The following STARD9 variants were observed in gnomAD, a reference collection of about 807,000 sequenced individuals.
STARD9 encodes the protein StAR related lipid transfer domain containing 9, also known as stAR-related lipid transfer protein 9.
Under a neutral mutation model 399.8 loss-of-function variants are expected in STARD9, and 346 were observed. The observed-to-expected ratio is 0.87, with a 90% CI of 0.79 to 0.95. The LOEUF is 0.95. STARD9 is among the 40% of genes least tolerant of loss of function. The pLI is 0.00. For synonymous variants in STARD9, 2,203 were observed against 2,143.5 expected (o/e 1.03, Z -0.77); for missense variants, 5,832 against 5,667.5 (o/e 1.03, Z -0.93).
At chr15:42,669,405 G>A (rs1595740027) in intron 16 of STARD9, 68 bp downstream of exon 16, 1 of 1,348,056 alleles carries the variant, frequency 7.4e-7, no homozygotes, top group Non-Finnish European at 1.0e-6. Context: ...GGAAAAGCTA[G>A]GAGCAGCAGC....
chr15:42,674,800 C>G, intron 17 of STARD9, 27 bp from the exon 18 acceptor site: 1 of 1,501,728 alleles, frequency 6.7e-7, no homozygotes, highest in Non-Finnish European at 8.8e-7. Flanking sequence ...CGTCCTCCCA[C>G]CCAAGTGACC....
chr15:42,599,143 C>G (rs985423821), intron 3 of STARD9, among the ~76,000 whole-genome samples: 2 of 152,176 alleles, frequency 1.3e-5, no homozygotes, highest in Non-Finnish European at 2.9e-5. Context: ...AGGCTGGCCT[C>G]AAACTCCTGA....
chr15:42,663,558 C>T, intron 12 of STARD9, 68 bp downstream of exon 12: 2 of 926,180 alleles, frequency 2.2e-6, no homozygotes, highest in Non-Finnish European at 3.2e-6. Flanking sequence ...GGGCCATGGC[C>T]CCAGTGAGTG....
At chr15:42,610,260 C>G (rs1440941530) in intron 3 of STARD9, among the ~76,000 whole-genome samples, 1 of 152,148 alleles carries the variant, frequency 6.6e-6, no homozygotes. Context: ...CCCAGCCCCA[C>G]TTGGTTAGGT....
chr15:42,692,066 C>A lies in STARD9; in HGVS notation c.10488C>A (p.Cys3496Ter). ...YMSGSAVDVS[C>*]SQKPQGLTLS... The stretch of plus-strand genomic sequence containing the variant: ...CTGGCAGTGCAGTCGATGTTTCCTG[C>A]AGCCAGAAGCCCCAGGGGCTGACAC... The change falls in exon 23 of 33, where the codon TGC becomes TGA. Residue 3496 changes from cysteine to a stop codon, truncating the protein, a stop_gained. Coordinates refer to ENST00000290607, the MANE Select transcript of STARD9 (RefSeq NM_020759.3). LOFTEE classifies it high-confidence loss of function. 2 of 1,537,248 alleles carry A rather than the reference C, an allele frequency of 1.3e-6. No homozygotes were observed. Among genetic ancestry groups the A allele is most frequent in the Non-Finnish European group, 1.7e-6 (2 of 1,146,914 alleles).
chr15:42,652,141 TG>T (rs2141993825), intron 8 of STARD9, among the ~76,000 whole-genome samples: 1 of 152,278 alleles, frequency 6.6e-6, no homozygotes, highest in African/African-American at 2.4e-5. Flanking sequence ...CTTATTAAAA[TG>T]ACTCCAAGAA....
intron 20 of STARD9, among the ~76,000 whole-genome samples, chr15:42,677,058 C>G (rs932881881): frequency 7.1e-6 from 1 of 139,924 alleles, no homozygotes; most frequent in African/African-American, 2.8e-5. Context: ...CAAGACCATC[C>G]TGGCTAACAT....
At chr15:42,705,858 T>C (rs2061065454) in intron 26 of STARD9, among the ~76,000 whole-genome samples, 2 of 152,136 alleles carry the variant, frequency 1.3e-5, no homozygotes, top group Non-Finnish European at 2.9e-5. Flanking sequence ...GTTCAAGCGA[T>C]TCTCTTGTCT....
chr15:42,700,366 A>G (rs759835550), intron 26 of STARD9, among the ~76,000 whole-genome samples: 1 of 152,262 alleles, frequency 6.6e-6, no homozygotes, highest in Non-Finnish European at 1.5e-5. Flanking sequence ...ACTGTTTGCC[A>G]TAATGGCGGT....
Position 42,693,386 on chromosome 15 carries a change from C to T in STARD9, c.11808C>T (p.Ser3936=). The T allele has an allele frequency of 1.3e-6, 2 of 1,537,160 alleles. No individual in the cohort carries two copies. Among genetic ancestry groups the T allele is most frequent in the Non-Finnish European group, 1.7e-6 (2 of 1,146,872 alleles). ...HPVEGHQKLD[S]SPDPVDAPRT... Reference sequence around the variant, plus strand: ...TTGAAGGCCACCAGAAGCTTGACTCCAGCCCAGACCCTGTTGATGCCCCAA... The same window carrying T: ...TTGAAGGCCACCAGAAGCTTGACTCTAGCCCAGACCCTGTTGATGCCCCAA... The change falls in exon 23 of 33, where the codon TCC becomes TCT. Residue 3936 remains serine, a synonymous_variant. Coordinates refer to ENST00000290607, the MANE Select transcript of STARD9 (RefSeq NM_020759.3).
At chr15:42,712,171 TCTAGCAGG>T (rs2061256097) in intron 26 of STARD9, among the ~76,000 whole-genome samples, 2 of 87,438 alleles carry the variant, frequency 2.3e-5, no homozygotes, top group Admixed American at 3.1e-4. Flanking sequence ...TGGAGAAATA[TCTAGCAGG>T]ATATTTTGTC....
rs1247254806 is a variant in STARD9, at chr15:42,669,314, G to A, written c.1474G>A (p.Gly492Ser). The A allele has an allele frequency of 6.6e-7, 1 of 1,526,636 alleles. No individual in the cohort carries two copies. Among genetic ancestry groups the A allele is most frequent in the African/African-American group, 1.4e-5 (1 of 73,014 alleles). The allele number at this position is 1,526,636 out of a possible 1,614,324, so 94.6% of individuals were successfully genotyped here. Residue 492 changes from glycine (G) to serine (S), a missense_variant, in exon 16 of 33, where the codon GGT becomes AGT. By Grantham distance (56) the Gly-to-Ser change is moderately conservative (BLOSUM62 0). This residue lies in a region of STARD9 where 5,828 missense variants were observed against 5,651.1 expected (regional missense o/e 1.03). Coordinates refer to ENST00000290607, the MANE Select transcript of STARD9 (RefSeq NM_020759.3). Reference protein sequence around the residue: ...MALEDDVLSTGVVLYHLKEGT... With the variant: ...MALEDDVLSTSVVLYHLKEGT... ...CTTGGAGGATGATGTGCTCAGCACA[G>A]GTGTTGTGCTCTATCATCTCAAGGT...
chr15:42,634,096 A>G (rs992505228), intron 3 of STARD9, among the ~76,000 whole-genome samples: 1 of 152,126 alleles, frequency 6.6e-6, no homozygotes, highest in African/African-American at 2.4e-5. Flanking sequence ...CTGGGCAACA[A>G]TACAAAGGGT....
chr15:42,668,077 C>T (rs1331882051), intron 15 of STARD9, among the ~76,000 whole-genome samples: 2 of 152,158 alleles, frequency 1.3e-5, no homozygotes, highest in Non-Finnish European at 2.9e-5. Context: ...TGGACTTGAA[C>T]CTGCCCCTTG....
intron 24 of STARD9, 134 bp from the exon 25 acceptor site, chr15:42,695,006 C>T (rs1467036673): frequency 1.2e-6 from 1 of 848,098 alleles, no homozygotes; most frequent in East Asian, 2.7e-5. Flanking sequence ...GCTAAAAAAT[C>T]ATACTTTAAA....
chr15:42,691,435 A>C lies in STARD9; in HGVS notation c.9857A>C (p.Gln3286Pro). The change falls in exon 23 of 33, where the codon CAG becomes CCG. Residue 3286 changes from glutamine (Q) to proline (P), a missense_variant. This residue lies in a region of STARD9 where 5,828 missense variants were observed against 5,651.1 expected (regional missense o/e 1.03). Coordinates refer to ENST00000290607, the MANE Select transcript of STARD9 (RefSeq NM_020759.3). ...RQNETPQPAA[Q>P]RSGHLYTGRE... ...AATGAAACACCGCAGCCTGCTGCTCAGAGGAGTGGCCACCTCTACACTGGC... is the reference window on the plus strand; with the variant it reads ...AATGAAACACCGCAGCCTGCTGCTCCGAGGAGTGGCCACCTCTACACTGGC... 1 of 1,537,264 alleles carries C rather than the reference A, an allele frequency of 6.5e-7. No individual in the cohort carries two copies. Among genetic ancestry groups the C allele is most frequent in the Non-Finnish European group, 8.7e-7 (1 of 1,146,910 alleles).
At position 42,583,431 on chromosome 15, in the gene STARD9, T is replaced by G; in HGVS notation, c.117+16T>G. The G allele has an allele frequency of 6.5e-7, 1 of 1,527,974 alleles. No individual in the cohort carries two copies. Among genetic ancestry groups the G allele is most frequent in the South Asian group, 1.2e-5 (1 of 83,836 alleles). The allele number at this position is 1,527,974 out of a possible 1,614,324, so 94.7% of individuals were successfully genotyped here. ...GAATTTAAAGGTAAGCCTGAAATTG[T>G]TTTTCATTTTCTTTCCACTGAGGAG... On this transcript the variant is annotated intron_variant, in intron 2 of 32. Transcript: ENST00000290607.
intron 7 of STARD9, among the ~76,000 whole-genome samples, chr15:42,640,657 T>C (rs1388031506): frequency 2.0e-5 from 3 of 151,808 alleles, no homozygotes; most frequent in Non-Finnish European, 4.4e-5. Flanking sequence ...CTGTCTCTAC[T>C]AAAAATTCAA....
In STARD9 at chr15:42,637,928, C is replaced by T. The variant is rs1458784615; in HGVS notation, c.373C>T (p.Arg125Trp). Residue 125 changes from arginine to tryptophan, a missense_variant, in exon 5 of 33, where the codon CGG (arginine) becomes TGG (tryptophan). Coordinates refer to ENST00000290607, the MANE Select transcript of STARD9 (RefSeq NM_020759.3). ...GTPASVGLTPRICEGLFVREK... is the reference protein window; with the variant it reads ...GTPASVGLTPWICEGLFVREK... ...CCAGGCCTCTGTTGGGTTGACACCA[C>T]GGATATGTGAGGTATAGACTATCTT... The T allele has an allele frequency of 2.2e-5, 34 of 1,537,268 alleles. No homozygotes were observed. Among genetic ancestry groups the T allele is most frequent in the Non-Finnish European group, 2.9e-5 (33 of 1,146,914 alleles).
Sources: gnomAD v4.1 joint callset for allele counts (sites outside exome capture counted in the v4.1 genomes callset) on GRCh38, gnomAD v4.1.1 for gene constraint, gnomAD v4.1.1 regional missense constraint, MANE v1.5 for transcripts, NCBI Gene and HGNC (gene_info 2026-07-23, HGNC 2026-07-21) for gene names.